Variants in ABLIM2 observed in about 807,000 individuals in gnomAD.
The protein encoded by ABLIM2 is actin-binding LIM protein 2.
Under a neutral mutation model 97.7 loss-of-function variants are expected in ABLIM2, and 53 were observed. The ratio of observed to expected loss-of-function variants is 0.54; its 90% CI spans 0.44 to 0.68. The LOEUF is 0.68. Ranked by LOEUF, ABLIM2 falls within the 30% of genes least tolerant of loss-of-function variation. The pLI, the probability that ABLIM2 is intolerant of heterozygous loss-of-function variation, is 0.00. For missense variants in ABLIM2, 835 were observed against 867.2 expected (o/e 0.96, Z 0.47); for synonymous variants, 361 against 345.8 (o/e 1.04, Z -0.49).
Position 8,044,769 on chromosome 4 carries a change from C to T in ABLIM2, c.900+395G>A, listed in dbSNP as rs1281391102. Reference sequence around the variant, plus strand: ...TTAGGGAACACGCTGGGAGAGCGTGCGTGTTGATGTACACAGATCCGTGCC... The same window carrying T: ...TTAGGGAACACGCTGGGAGAGCGTGTGTGTTGATGTACACAGATCCGTGCC... On this transcript the variant is annotated intron_variant, in intron 9 of 20. Coordinates refer to ENST00000447017, the MANE Select transcript of ABLIM2 (RefSeq NM_001130083.2). The surrounding 1 kb of genome is among the most constrained non-coding windows in gnomAD (Gnocchi z 4.4). 2.6e-5 allele frequency among the ~76,000 whole-genome samples: 4 copies of T among 151,962 alleles called. No homozygotes were observed. Among genetic ancestry groups the T allele is most frequent in the African/African-American group, 7.3e-5 (3 of 41,364 alleles).
Position 8,068,016 on chromosome 4 carries a change from A to G in ABLIM2, c.676-6962T>C, listed in dbSNP as rs775907416. Among the ~76,000 whole-genome samples the G allele has an allele frequency of 6.6e-5, 10 of 152,120 alleles. No homozygotes were observed. The highest frequency in any genetic ancestry group is 1.3e-4 in the Non-Finnish European group (9 of 68,006). ...CATCGATGGGCTGATGGAGTCAAAA[A>G]TTAGAAGTGTCCTCATTCCCTGTGT... On this transcript the variant is annotated intron_variant, in intron 6 of 20. Transcript: ENST00000447017. The surrounding 1 kb of genome is among the most constrained non-coding windows in gnomAD (Gnocchi z 4.5).
intron 1 of ABLIM2, among the ~76,000 whole-genome samples, chr4:8,129,395 C>G (rs758370295): frequency 6.6e-6 from 1 of 152,118 alleles, no homozygotes; most frequent in Non-Finnish European, 1.5e-5. Flanking sequence ...CCTGCGCGCC[C>G]GAAACACGGC....
intron 11 of ABLIM2, among the ~76,000 whole-genome samples, chr4:8,028,132 C>A (rs989800915): frequency 2.0e-5 from 3 of 152,340 alleles, no homozygotes; most frequent in South Asian, 2.1e-4. Flanking sequence ...CTAGCCAGGC[C>A]TGTCGCTTAG....
rs533341279 is a variant in ABLIM2 at position 8,120,870 on chromosome 4, C to A, written c.11-14233G>T. Among the ~76,000 whole-genome samples the A allele has an allele frequency of 4.5e-4, 68 of 152,214 alleles. No homozygotes were observed. Among genetic ancestry groups the A allele is most frequent in the Non-Finnish European group, 9.1e-4 (62 of 68,044 alleles). ...CTGGGCACACACATCTAACGCAAAG[C>A]CTGTTTTATAATACAATGTTGACCG... On this transcript the variant is annotated intron_variant, in intron 1 of 20. Transcript: ENST00000447017. The surrounding 1 kb of genome is among the most constrained non-coding windows in gnomAD (Gnocchi z 5.6).
chr4:8,045,182 A>G lies in ABLIM2; in HGVS notation c.882T>C (p.Ser294=). ...GACTTACATAAATCACACGGCTCGG[A>G]GACCCTGAGGTGCTGGAAGCAGGGA... The part of the protein sequence containing the change: ...ISVPASSTSG[S]PSRVIYAKLG... Residue 294 remains serine (S), a synonymous_variant, in exon 9 of 21, where the codon TCT becomes TCC. Transcript: ENST00000447017. 6.2e-7 allele frequency: 1 copy of G among 1,613,962 alleles called. No homozygotes were observed. The highest frequency in any genetic ancestry group is 1.3e-5 in the African/African-American group (1 of 75,048).
At chr4:8,006,043 G>A (rs1233195847) in intron 16 of ABLIM2, among the ~76,000 whole-genome samples, 2 of 152,100 alleles carry the variant, frequency 1.3e-5, no homozygotes, top group African/African-American at 2.4e-5. Context: ...TGCCCTTGCC[G>A]CTGAGTGACC....
In ABLIM2 at chr4:8,149,760, C is replaced by A. The variant is rs1578542488; in HGVS notation, c.10+8920G>T. 6.6e-6 allele frequency among the ~76,000 whole-genome samples: 1 copy of A among 152,040 alleles called. No homozygotes were observed. Among genetic ancestry groups the A allele is most frequent in the Non-Finnish European group, 1.5e-5 (1 of 68,010 alleles). On this transcript the variant is annotated intron_variant, in intron 1 of 20. Transcript: ENST00000447017. The surrounding 1 kb of genome is among the most constrained non-coding windows in gnomAD (Gnocchi z 6.4). ...CCTTGGGAGGCTGTTGACTGCTGGA[C>A]ACAGAGAAGGCCCGGACCTAGGCTG...
rs1193347242 is a variant in ABLIM2, at chr4:8,023,544, T to C, written c.1268-3241A>G. ...GGATCACTGGCCGTGGCGGCCTTGCTGACCGGGTCATGCTCGTCAGCCATG... is the reference window on the plus strand; with the variant it reads ...GGATCACTGGCCGTGGCGGCCTTGCCGACCGGGTCATGCTCGTCAGCCATG... On this transcript the variant is annotated intron_variant, in intron 12 of 20. Transcript: ENST00000447017. The surrounding 1 kb of genome is among the most constrained non-coding windows in gnomAD (Gnocchi z 5.7). Among the ~76,000 whole-genome samples the C allele has an allele frequency of 2.0e-5, 3 of 152,228 alleles. No individual in the cohort carries two copies. Among genetic ancestry groups the C allele is most frequent in the Non-Finnish European group, 4.4e-5 (3 of 68,036 alleles).
chr4:8,144,373 A>T (rs1442168645), intron 1 of ABLIM2, among the ~76,000 whole-genome samples: 1 of 152,234 alleles, frequency 6.6e-6, no homozygotes, highest in African/African-American at 2.4e-5. Context: ...GGCAGTGATG[A>T]CACTGCCCCT....
chr4:8,074,089 C>CAAAAAAA (rs869080154), intron 6 of ABLIM2, among the ~76,000 whole-genome samples: 11 of 45,728 alleles, frequency 2.4e-4, no homozygotes, highest in South Asian at 1.1e-3. Context: ...CTCTGTCTCA[C>CAAAAAAA]AAAAAAAAAA....
Position 8,120,581 on chromosome 4 carries a change from C to A in ABLIM2, c.11-13944G>T, listed in dbSNP as rs1344109399. 6.6e-6 allele frequency among the ~76,000 whole-genome samples: 1 copy of A among 152,160 alleles called. No homozygotes were observed. Among genetic ancestry groups the A allele is most frequent in the Non-Finnish European group, 1.5e-5 (1 of 68,016 alleles). ...TCAGAAGGAGCCAGCCCTGCCCGCA[C>A]CTTGATCTGGGACTTCTGGCCTCCA... On this transcript the variant is annotated intron_variant, in intron 1 of 20. Coordinates refer to ENST00000447017, the MANE Select transcript of ABLIM2 (RefSeq NM_001130083.2). The surrounding 1 kb of genome is among the most constrained non-coding windows in gnomAD (Gnocchi z 5.6).
rs1017642643 is a variant in ABLIM2, at chr4:8,148,835, C to A, written c.10+9845G>T. Among the ~76,000 whole-genome samples the A allele has an allele frequency of 6.6e-6, 1 of 152,168 alleles. No homozygotes were observed. The highest frequency in any genetic ancestry group is 1.5e-5 in the Non-Finnish European group (1 of 68,020). ...GGCTGGTTCCTGGACCCCCACCTCT[C>A]CATGAGACCACCCCTATCTCCTCCC... On this transcript the variant is annotated intron_variant, in intron 1 of 20. Coordinates refer to ENST00000447017, the MANE Select transcript of ABLIM2 (RefSeq NM_001130083.2). This position sits in a 1 kb window ranked among gnomAD's most constrained non-coding sequence, Gnocchi z 6.7.
chr4:8,077,970 CAGT>C (rs1817340971), intron 5 of ABLIM2, among the ~76,000 whole-genome samples: 2 of 152,206 alleles, frequency 1.3e-5, no homozygotes, highest in Non-Finnish European at 2.9e-5. Flanking sequence ...ACCACCTGCC[CAGT>C]GGGTGGGAGG....
intron 1 of ABLIM2, 114 bp downstream of exon 1, chr4:8,158,566 G>A: frequency 7.6e-7 from 1 of 1,320,852 alleles, no homozygotes. Flanking sequence ...GTTGGGTGGA[G>A]CCGCTGGGTG....
At chr4:8,059,531 C>G (rs1216330662) in intron 7 of ABLIM2, among the ~76,000 whole-genome samples, 1 of 152,124 alleles carries the variant, frequency 6.6e-6, no homozygotes, top group Non-Finnish European at 1.5e-5. Flanking sequence ...GGCCCCCCCA[C>G]TTGACATAAC....
chr4:8,107,792 G>A (rs963597474), intron 1 of ABLIM2, among the ~76,000 whole-genome samples: 6 of 152,200 alleles, frequency 3.9e-5, no homozygotes, highest in Non-Finnish European at 5.9e-5. Context: ...TAAGGGCTTC[G>A]ATGGGATATG....
At position 8,002,847 on chromosome 4, in the gene ABLIM2, G is replaced by A. The variant is rs560480968; in HGVS notation, c.1618+5212C>T. Reference sequence around the variant, plus strand: ...TGCGGAATGCTCTCCCCCATATACCGGCCCTATTCAAGTGTACACCCACTT... The same window carrying A: ...TGCGGAATGCTCTCCCCCATATACCAGCCCTATTCAAGTGTACACCCACTT... On this transcript the variant is annotated intron_variant, in intron 16 of 20. Coordinates refer to ENST00000447017, the MANE Select transcript of ABLIM2 (RefSeq NM_001130083.2). This position sits in a 1 kb window ranked among gnomAD's most constrained non-coding sequence, Gnocchi z 6.1. 1.3e-5 allele frequency among the ~76,000 whole-genome samples: 2 copies of A among 152,208 alleles called. No homozygotes were observed. The highest frequency in any genetic ancestry group is 6.5e-5 in the Admixed American group (1 of 15,292).
rs1392062231 is a variant in ABLIM2 at position 8,143,168 on chromosome 4, G to GC, written c.10+15511_10+15512insG. ...GGAGCGGGGGCGAGAGTGGGGGGGG[G>GC]GGGCGTCTGCAAATGCATCTCCTGG... On this transcript the variant is annotated intron_variant, in intron 1 of 20. Coordinates refer to ENST00000447017, the MANE Select transcript of ABLIM2 (RefSeq NM_001130083.2). Among the ~76,000 whole-genome samples, 41 of 149,178 alleles carry GC rather than the reference G, an allele frequency of 2.7e-4. 1 individual carries two copies. The highest frequency in any genetic ancestry group is 1.0e-3 in the African/African-American group (41 of 40,442).
intron 14 of ABLIM2, among the ~76,000 whole-genome samples, chr4:8,016,043 A>AT (rs4006048): frequency 0.27 from 30,192 of 110,174 alleles, 5,519 homozygotes; most frequent in Non-Finnish European, 0.35. Flanking sequence ...TTGTTGTTGT[A>AT]TTTTTTTTTT....
Sources: allele counts gnomAD v4.1 joint callset (sites outside exome capture counted in the v4.1 genomes callset), GRCh38; gene constraint gnomAD v4.1.1; non-coding constraint Gnocchi (gnomAD v3.1); transcripts MANE v1.5; gene names NCBI Gene and HGNC (gene_info 2026-07-23, HGNC 2026-07-21).